The following TRAK1 variants were observed in gnomAD, a reference collection of about 807,000 sequenced individuals.
TRAK1 encodes the protein trafficking kinesin protein 1, also known as trafficking kinesin-binding protein 1.
TRAK1 carries 33 observed loss-of-function variants against 92.1 expected under a neutral mutation model. The ratio of observed to expected loss-of-function variants is 0.36; its 90% CI spans 0.27 to 0.48. TRAK1 has a LOEUF of 0.48. Ranked by LOEUF, TRAK1 falls within the 20% of genes least tolerant of loss-of-function variation. The pLI is 0.99. For missense variants in TRAK1, 1,123 were observed against 1,257.9 expected, an observed-to-expected ratio of 0.89 and a Z score of 1.62; for synonymous variants, 521 against 517.3, an observed-to-expected ratio of 1.01 and a Z score of -0.10.
At chr3:42,188,934 C>T (rs923041737) in intron 5 of TRAK1, 82 bp from the exon 6 acceptor site, 2 of 990,474 alleles carry the variant, frequency 2.0e-6, no homozygotes, top group East Asian at 2.4e-5. Context: ...TCCTGCAAGC[C>T]CTTCTTTGTG....
chr3:42,214,079 C>G (rs891868847), intron 14 of TRAK1, among the ~76,000 whole-genome samples: 3 of 152,192 alleles, frequency 2.0e-5, no homozygotes, highest in Admixed American at 6.5e-5. Context: ...AGAGTCAACC[C>G]TGCTTAAAAT....
intron 1 of TRAK1, among the ~76,000 whole-genome samples, chr3:42,121,416 C>T (rs1163929918): frequency 2.0e-5 from 3 of 152,118 alleles, no homozygotes; most frequent in African/African-American, 7.2e-5. Flanking sequence ...CCCACCACTG[C>T]GCCTGGCTAA....
At chr3:42,158,123 T>C (rs1700776664) in intron 2 of TRAK1, among the ~76,000 whole-genome samples, 1 of 152,066 alleles carries the variant, frequency 6.6e-6, no homozygotes, top group South Asian at 2.1e-4. Flanking sequence ...ATATATAGAG[T>C]CTTGGACATC....
chr3:42,149,302 A>G (rs1349664361), intron 2 of TRAK1: 11 of 1,408,430 alleles, frequency 7.8e-6, no homozygotes, highest in Non-Finnish European at 9.2e-6. Flanking sequence ...CTCTCTGCAA[A>G]TTGCCTTCCT....
intron 1 of TRAK1, among the ~76,000 whole-genome samples, chr3:42,038,803 G>GTTTTT (rs35147167): frequency 4.4e-4 from 43 of 96,752 alleles, no homozygotes; most frequent in African/African-American, 8.2e-4. Context: ...AAAAAAAAAA[G>GTTTTT]TTTTTTTTTT....
intron 6 of TRAK1, 85 bp downstream of exon 6, chr3:42,189,209 G>GCC: frequency 9.9e-7 from 1 of 1,008,150 alleles, no homozygotes; most frequent in Non-Finnish European, 1.5e-6. Flanking sequence ...ATGGTTAAGT[G>GCC]CCCTCCTCAA....
upstream of TRAK1, among the ~76,000 whole-genome samples, chr3:42,086,531 G>T (rs1704687968): frequency 6.6e-6 from 1 of 151,946 alleles, no homozygotes; most frequent in Admixed American, 6.6e-5. Context: ...TGGCCAGGCT[G>T]GTCTTGAACT....
intron 2 of TRAK1, chr3:42,146,221 G>A (rs886418505): frequency 9.2e-5 from 28 of 302,864 alleles, no homozygotes; most frequent in Admixed American, 1.9e-4. Flanking sequence ...ATCCAAATGC[G>A]TCTTCAATAG....
chr3:42,175,247 C>T (rs1703048199), intron 2 of TRAK1, among the ~76,000 whole-genome samples: 1 of 151,958 alleles, frequency 6.6e-6, no homozygotes, highest in African/African-American at 2.4e-5. Context: ...GCTGGGGGGC[C>T]CCAGGGTTTG....
chr3:42,068,271 A>C (rs1207800752), intron 1 of TRAK1, among the ~76,000 whole-genome samples: 1 of 152,060 alleles, frequency 6.6e-6, no homozygotes, highest in Non-Finnish European at 1.5e-5. Context: ...CGATCCTTCT[A>C]CTTTAGCCTT....
At chr3:42,199,098 AC>A in intron 10 of TRAK1, 78 bp from the exon 11 acceptor site, 1 of 1,514,724 alleles carries the variant, frequency 6.6e-7, no homozygotes, top group African/African-American at 1.4e-5. Context: ...TCCATGGCCC[AC>A]CTGGGTGCAT....
intron 3 of TRAK1, among the ~76,000 whole-genome samples, chr3:42,183,514 C>G (rs1704319865): frequency 6.9e-6 from 1 of 144,262 alleles, no homozygotes; most frequent in South Asian, 2.2e-4. Context: ...CGAGATCGTG[C>G]TACTGTATCC....
chr3:42,194,532 A>G (rs1466654702), intron 9 of TRAK1, among the ~76,000 whole-genome samples: 2 of 151,956 alleles, frequency 1.3e-5, no homozygotes, highest in Admixed American at 1.3e-4. Context: ...CATCATTCCT[A>G]GCCTGATTTT....
chr3:42,019,544 A>G (rs926575862), intron 1 of TRAK1, among the ~76,000 whole-genome samples: 1 of 152,182 alleles, frequency 6.6e-6, no homozygotes, highest in African/African-American at 2.4e-5. Flanking sequence ...CTGGGATTAC[A>G]AGCATGAGCC....
intron 1 of TRAK1, among the ~76,000 whole-genome samples, chr3:42,065,543 T>C (rs959792354): frequency 2.6e-5 from 4 of 152,086 alleles, no homozygotes; most frequent in Admixed American, 1.3e-4. Flanking sequence ...GTAAAGGCTA[T>C]TCAGTTTGAT....
chr3:42,037,938 G>C (rs1576148272), intron 1 of TRAK1, among the ~76,000 whole-genome samples: 2 of 152,322 alleles, frequency 1.3e-5, no homozygotes, highest in East Asian at 3.9e-4. Context: ...CTGGGTGAGG[G>C]GTTCGAGTCC....
At chr3:42,128,812 TGATA>T (rs1411279998) in intron 2 of TRAK1, among the ~76,000 whole-genome samples, 15 of 151,624 alleles carry the variant, frequency 9.9e-5, no homozygotes, top group Admixed American at 7.2e-4. Context: ...TTAAATGTGC[TGATA>T]GATCTTTTAT....
chr3:42,016,789 G>A (rs920019876), intron 1 of TRAK1, among the ~76,000 whole-genome samples: 17 of 152,208 alleles, frequency 1.1e-4, no homozygotes, highest in Non-Finnish European at 1.5e-5. Context: ...TGGGGCTCAA[G>A]TAAGAAAGGC....
intron 1 of TRAK1, among the ~76,000 whole-genome samples, chr3:42,120,575 G>A (rs1340828978): frequency 6.6e-6 from 1 of 151,586 alleles, no homozygotes; most frequent in Non-Finnish European, 1.5e-5. Flanking sequence ...ATGGAGTCTC[G>A]CTCTGTCACC....
Sources: allele counts gnomAD v4.1 joint callset (sites outside exome capture counted in the v4.1 genomes callset), GRCh38; gene constraint gnomAD v4.1.1; transcripts MANE v1.5; gene names NCBI Gene and HGNC (gene_info 2026-07-23, HGNC 2026-07-21).